Variants in DNAJC25 observed in about 807,000 individuals in gnomAD.
The protein encoded by DNAJC25 is DnaJ heat shock protein family (Hsp40) member C25, also known as dnaJ homolog subfamily C member 25.
In DNAJC25, 26 loss-of-function variants were observed where a neutral mutation model predicts 42.1. The observed-to-expected ratio is 0.62, with a 90% CI of 0.45 to 0.86. The LOEUF is 0.86. Among genes scored for constraint, DNAJC25 ranks in the 40% least tolerant of loss-of-function variants. The probability of loss-of-function intolerance (pLI) is 0.00; values close to 1 mark genes in which losing one functional copy is unlikely to be tolerated. For missense variants in DNAJC25, 404 were observed against 459.4 expected (o/e 0.88, Z 1.10); for synonymous variants, 189 against 179.9 (o/e 1.05, Z -0.40).
chr9:111,636,060 T>TA (rs1190001179), intron 1 of DNAJC25, among the ~76,000 whole-genome samples: 3 of 152,198 alleles, frequency 2.0e-5, no homozygotes, highest in African/African-American at 7.2e-5. Flanking sequence ...GGGAAACAGA[T>TA]ACTTATTGTT....
Position 111,649,565 on chromosome 9 carries a change from C to G in DNAJC25, c.602C>G (p.Ala201Gly). The G allele has an allele frequency of 6.2e-7, 1 of 1,613,722 alleles. No individual in the cohort carries two copies. The highest frequency in any genetic ancestry group is 1.1e-5 in the South Asian group (1 of 91,050). ...AAGCAGCAGGGACTGCTCAAAAAAGCCAAAGAAAAAGGCAAAAACAAAAAG... is the reference window on the plus strand; with the variant it reads ...AAGCAGCAGGGACTGCTCAAAAAAGGCAAAGAAAAAGGCAAAAACAAAAAG... Reference protein sequence around the residue: ...IAKQQGLLKKAKEKGKNKKSK... With the variant: ...IAKQQGLLKKGKEKGKNKKSK... The change falls in exon 3 of 4, where the codon GCC (alanine) becomes GGC (glycine). Residue 201 changes from alanine (A) to glycine (G), a missense_variant. Ala to Gly is a moderately conservative substitution (Grantham distance 60, BLOSUM62 0). Coordinates refer to ENST00000313525, the MANE Select transcript of DNAJC25 (RefSeq NM_001015882.3).
chr9:111,651,217 T>C (rs1416277167), intron 3 of DNAJC25, among the ~76,000 whole-genome samples: 1 of 147,136 alleles, frequency 6.8e-6, no homozygotes, highest in Non-Finnish European at 1.5e-5. Flanking sequence ...TGAGCCAAGA[T>C]TGTACCACTG....
chr9:111,636,554 A>T (rs1231347859), intron 1 of DNAJC25, among the ~76,000 whole-genome samples: 2 of 152,136 alleles, frequency 1.3e-5, no homozygotes, highest in Non-Finnish European at 1.5e-5. Flanking sequence ...TCCTATGCTC[A>T]AGCAGTCCTC....
chr9:111,647,926 G>T (rs919138062), intron 2 of DNAJC25, among the ~76,000 whole-genome samples: 1 of 152,056 alleles, frequency 6.6e-6, no homozygotes, highest in Non-Finnish European at 1.5e-5. Flanking sequence ...CTACAGGCGC[G>T]CACCACCACA....
At chr9:111,645,118 C>G (rs1830548458) in intron 1 of DNAJC25, among the ~76,000 whole-genome samples, 1 of 152,140 alleles carries the variant, frequency 6.6e-6, no homozygotes. Context: ...CATATTGGCC[C>G]TCCATATAAA....
Position 111,637,553 on chromosome 9 carries a change from C to T in DNAJC25, c.336+5810C>T, listed in dbSNP as rs192286701. Among the ~76,000 whole-genome samples, 4 of 152,346 alleles carry T rather than the reference C, an allele frequency of 2.6e-5. No homozygotes were observed. The East Asian group carries it at 5.8e-4, about 22-fold the overall frequency. ...CTTGGTTCATTTCCCACTCCTTTCG[C>T]TTCATTTTGCTTCCTTTAAAACTAC... On this transcript the variant is annotated intron_variant, in intron 1 of 3. Coordinates refer to ENST00000313525, the MANE Select transcript of DNAJC25 (RefSeq NM_001015882.3).
chr9:111,632,701 T>C (rs1362300587), intron 1 of DNAJC25, among the ~76,000 whole-genome samples: 1 of 148,608 alleles, frequency 6.7e-6, no homozygotes, highest in Admixed American at 6.8e-5. Flanking sequence ...TTTTTTTTTT[T>C]TCCCGAGGCA....
rs558511522 is a variant in DNAJC25, at chr9:111,650,938, T to A, written c.960+1015T>A. The stretch of plus-strand genomic sequence containing the variant: ...TTATGTAAATTAACTTACTGTGAAT[T>A]GCCCGATGTTTTACCAAGTATACCT... On this transcript the variant is annotated intron_variant, in intron 3 of 3. Coordinates refer to ENST00000313525, the MANE Select transcript of DNAJC25 (RefSeq NM_001015882.3). Among the ~76,000 whole-genome samples, 34 of 152,360 alleles carry A rather than the reference T, an allele frequency of 2.2e-4. No individual in the cohort carries two copies. The South Asian group carries it at 6.8e-3, about 31-fold the overall frequency.
At chr9:111,652,844 G>T (rs1230317151) in intron 3 of DNAJC25, among the ~76,000 whole-genome samples, 1 of 152,006 alleles carries the variant, frequency 6.6e-6, no homozygotes, top group African/African-American at 2.4e-5. Context: ...ACCACGCCCG[G>T]CCACAAAATT....
chr9:111,642,731 G>A (rs903162394), intron 1 of DNAJC25: 7 of 347,920 alleles, frequency 2.0e-5, no homozygotes, highest in African/African-American at 1.5e-4. Context: ...TCAAGGGCAG[G>A]AACATAATAT....
Position 111,631,634 on chromosome 9 carries a change from A to T in DNAJC25, c.227A>T (p.Tyr76Phe). ...GCCTACCGCCAGCTGGCCCGGCGCT[A>T]CCACCCTGACCGCTACCGGCCCCAG... is the stretch of plus-strand genomic sequence containing the variant. ...ARAYRQLARR[Y>F]HPDRYRPQPG... Residue 76 changes from tyrosine (Y) to phenylalanine (F), a missense_variant, in exon 1 of 4, where the codon TAC (tyrosine) becomes TTC (phenylalanine). Physicochemically the swap from Tyr to Phe is conservative, Grantham distance 22. Coordinates refer to ENST00000313525, the MANE Select transcript of DNAJC25 (RefSeq NM_001015882.3). 6.6e-7 allele frequency: 1 copy of T among 1,507,204 alleles called. No homozygotes were observed. Among genetic ancestry groups the T allele is most frequent in the South Asian group, 1.2e-5 (1 of 82,060 alleles). The allele number at this position is 1,507,204 out of a possible 1,614,324, so 93.4% of individuals were successfully genotyped here. A position where few individuals can be genotyped will look rare whatever the true frequency, so the allele number is the denominator to read the frequency against.
rs1036728355 is a variant in DNAJC25 at position 111,647,349 on chromosome 9, T to C, written c.489+90T>C. 11 of 1,464,088 alleles carry C rather than the reference T, an allele frequency of 7.5e-6. No homozygotes were observed. In the African/African-American group the frequency reaches 1.6e-4, roughly 21 times the overall value. The allele number at this position is 1,464,088 out of a possible 1,614,324, so 90.7% of individuals were successfully genotyped here. On this transcript the variant is annotated intron_variant, in intron 2 of 3. Coordinates refer to ENST00000313525, the MANE Select transcript of DNAJC25 (RefSeq NM_001015882.3). ...TCATTAAAACCTAACTGCGAGTATCTTCTTGTAAAATTTTACTTCTAGTTG... is the reference window on the plus strand; with the variant it reads ...TCATTAAAACCTAACTGCGAGTATCCTCTTGTAAAATTTTACTTCTAGTTG...
chr9:111,645,685 C>T (rs62569917), intron 1 of DNAJC25, among the ~76,000 whole-genome samples: 7,553 of 152,252 alleles, frequency 0.05, 311 homozygotes, highest in South Asian at 0.15. Flanking sequence ...AAACAGACCC[C>T]AGAGAATCTG....
At chr9:111,642,881 T>C (rs1217088387) in intron 1 of DNAJC25, 3 of 470,944 alleles carry the variant, frequency 6.4e-6, no homozygotes, top group East Asian at 6.9e-5. Context: ...CCCAAGAGGA[T>C]TGGGAGTGGA....
chr9:111,636,116 T>C (rs906255893), intron 1 of DNAJC25, among the ~76,000 whole-genome samples: 1 of 152,232 alleles, frequency 6.6e-6, no homozygotes, highest in Non-Finnish European at 1.5e-5. Context: ...CAGATTATAT[T>C]GCTGTGCTGA....
chr9:111,641,137 GCC>G (rs1331330271), intron 1 of DNAJC25, among the ~76,000 whole-genome samples: 2 of 106,202 alleles, frequency 1.9e-5, no homozygotes, highest in South Asian at 3.0e-4. Flanking sequence ...GGGGGGGTCA[GCC>G]CCCCCACCCG....
At chr9:111,632,262 T>C (rs1830294739) in intron 1 of DNAJC25, among the ~76,000 whole-genome samples, 1 of 152,180 alleles carries the variant, frequency 6.6e-6, no homozygotes, top group Admixed American at 6.5e-5. Context: ...GAGTCTTTGC[T>C]GTGACACCCC....
At chr9:111,651,887 G>A (rs1444209767) in intron 3 of DNAJC25, among the ~76,000 whole-genome samples, 1 of 150,502 alleles carries the variant, frequency 6.6e-6, no homozygotes, top group Non-Finnish European at 1.5e-5. Flanking sequence ...CAGATGTTCT[G>A]TGTTCTCACA....
intron 3 of DNAJC25, among the ~76,000 whole-genome samples, chr9:111,650,314 A>G (rs1830639062): frequency 3.7e-5 from 3 of 81,040 alleles, no homozygotes; most frequent in Non-Finnish European, 7.1e-5. Context: ...AAAAAAAAAA[A>G]CAACAGAGTA....
Sources: gnomAD v4.1 joint callset for allele counts (sites outside exome capture counted in the v4.1 genomes callset) on GRCh38, gnomAD v4.1.1 for gene constraint, MANE v1.5 for transcripts, NCBI Gene and HGNC (gene_info 2026-07-23, HGNC 2026-07-21) for gene names.